BCAS1: variants seen among roughly 807,000 people sequenced by gnomAD.
The protein encoded by BCAS1 is brain enriched myelin associated protein 1.
BCAS1 carries 46 observed loss-of-function variants against 65.4 expected under a neutral mutation model. The observed-to-expected ratio is 0.70, with a 90% confidence interval of 0.55 to 0.90. BCAS1 has a LOEUF of 0.90. BCAS1 is among the 40% of genes least tolerant of loss of function. The pLI is 0.00. For missense variants in BCAS1, 793 were observed against 771.2 expected, an observed-to-expected ratio of 1.03 and a Z score of -0.33; for synonymous variants, 298 against 293.5, an observed-to-expected ratio of 1.02 and a Z score of -0.16.
chr20:54,051,730 TTG>T (rs796646228), intron 3 of BCAS1, among the ~76,000 whole-genome samples: 2 of 81,712 alleles, frequency 2.4e-5, no homozygotes, highest in African/African-American at 6.0e-5. Context: ...TTTTTGTTTG[TTG>T]TTGTTGTTGT....
At chr20:54,004,768 T>C (rs2091144828) in intron 4 of BCAS1, among the ~76,000 whole-genome samples, 1 of 152,134 alleles carries the variant, frequency 6.6e-6, no homozygotes, top group African/African-American at 2.4e-5. Flanking sequence ...TCTCCCCAAA[T>C]CCTAACCCTC....
intron 8 of BCAS1, among the ~76,000 whole-genome samples, chr20:53,975,977 C>G (rs1325514023): frequency 6.6e-6 from 1 of 152,186 alleles, no homozygotes; most frequent in Non-Finnish European, 1.5e-5. Flanking sequence ...TTCGTCAGCC[C>G]TCAGTCTAGG....
At chr20:53,994,288 G>T (rs186654577) in intron 6 of BCAS1, among the ~76,000 whole-genome samples, 1 of 152,208 alleles carries the variant, frequency 6.6e-6, no homozygotes, top group East Asian at 1.9e-4. Context: ...CTTAAACCGT[G>T]TATTCCACTA....
At chr20:54,067,488 G>A (rs551743945) in intron 1 of BCAS1, among the ~76,000 whole-genome samples, 1 of 152,236 alleles carries the variant, frequency 6.6e-6, no homozygotes, top group Non-Finnish European at 1.5e-5. Flanking sequence ...GTAAACGTTA[G>A]TTATTGCTAA....
chr20:54,009,743 C>A (rs1179163438), intron 4 of BCAS1, among the ~76,000 whole-genome samples: 1 of 152,024 alleles, frequency 6.6e-6, no homozygotes, highest in Non-Finnish European at 1.5e-5. Context: ...AAACTTGGTA[C>A]CAGAAACAGA....
At chr20:53,949,436 T>C (rs1037874769) in intron 12 of BCAS1, among the ~76,000 whole-genome samples, 3 of 152,206 alleles carry the variant, frequency 2.0e-5, no homozygotes, top group Middle Eastern at 3.2e-3. Context: ...AGGACGTCAC[T>C]GTGAGACAAA....
chr20:54,065,164 C>CTATCTATCTATCT (rs56202418), intron 1 of BCAS1, among the ~76,000 whole-genome samples: 20 of 121,016 alleles, frequency 1.7e-4, no homozygotes, highest in East Asian at 8.0e-4. Flanking sequence ...ATCTATCTAT[C>CTATCTATCTATCT]ATCTACTTTA....
chr20:53,996,992 C>G (rs1568858787), intron 4 of BCAS1, among the ~76,000 whole-genome samples: 1 of 152,208 alleles, frequency 6.6e-6, no homozygotes. Flanking sequence ...ACATTCTGCT[C>G]CTCTGTCTGC....
At chr20:53,980,830 A>G (rs1233901692) in intron 8 of BCAS1, among the ~76,000 whole-genome samples, 1 of 152,216 alleles carries the variant, frequency 6.6e-6, no homozygotes, top group African/African-American at 2.4e-5. Flanking sequence ...TATGTTCTCT[A>G]TATAACAGGA....
At chr20:54,066,422 A>G (rs979305480) in intron 1 of BCAS1, among the ~76,000 whole-genome samples, 1 of 152,216 alleles carries the variant, frequency 6.6e-6, no homozygotes, top group African/African-American at 2.4e-5. Flanking sequence ...ACCTGAGCCC[A>G]GGGAACTTAA....
At position 54,025,923 on chromosome 20, in the gene BCAS1, G is replaced by C. The variant is rs142723580; in HGVS notation, c.723+2469C>G. ...TTGACAATCAGAAGGCTGTTTTGTTGTTGTTGTTAAAAACCTTTGCAGGCA... is the reference window on the plus strand; with the variant it reads ...TTGACAATCAGAAGGCTGTTTTGTTCTTGTTGTTAAAAACCTTTGCAGGCA... On this transcript the variant is annotated intron_variant, in intron 4 of 12. Coordinates refer to ENST00000688948, the MANE Select transcript of BCAS1 (RefSeq NM_001366298.2). Among the ~76,000 whole-genome samples the C allele has an allele frequency of 3.9e-5, 6 of 152,298 alleles. No homozygotes were observed. In the East Asian group the frequency reaches 1.2e-3, roughly 29 times the overall value.
At chr20:53,975,273 A>G in intron 9 of BCAS1, 116 bp downstream of exon 9, 1 of 849,266 alleles carries the variant, frequency 1.2e-6, no homozygotes, top group South Asian at 1.5e-5. Flanking sequence ...GTCTACAACA[A>G]ACGAATCACA....
intron 4 of BCAS1, among the ~76,000 whole-genome samples, chr20:54,022,482 T>A (rs2091583228): frequency 6.6e-6 from 1 of 152,208 alleles, no homozygotes. Flanking sequence ...GCCTATATTA[T>A]CTTCTAACTT....
intron 11 of BCAS1, among the ~76,000 whole-genome samples, chr20:53,956,785 G>A (rs190737012): frequency 6.6e-6 from 1 of 152,116 alleles, no homozygotes; most frequent in African/African-American, 2.4e-5. Flanking sequence ...CATTTTTTGT[G>A]GAGGTGTATT....
intron 4 of BCAS1, among the ~76,000 whole-genome samples, chr20:54,010,370 C>G (rs1427394809): frequency 1.3e-5 from 2 of 151,940 alleles, no homozygotes; most frequent in Admixed American, 6.5e-5. Flanking sequence ...AGAATAACAC[C>G]TAGAATTAAT....
chr20:53,954,731 CA>C (rs1409829575), intron 11 of BCAS1, among the ~76,000 whole-genome samples: 2 of 151,960 alleles, frequency 1.3e-5, no homozygotes, highest in Non-Finnish European at 2.9e-5. Context: ...AACAAAGGTC[CA>C]AAAAAATATT....
At chr20:54,049,586 T>C (rs920516957) in intron 3 of BCAS1, among the ~76,000 whole-genome samples, 2 of 151,524 alleles carry the variant, frequency 1.3e-5, no homozygotes, top group Non-Finnish European at 2.9e-5. Context: ...TTTTTTTTTT[T>C]AAATAGAGAT....
chr20:54,016,451 T>C (rs1245261120), intron 4 of BCAS1, among the ~76,000 whole-genome samples: 1 of 152,228 alleles, frequency 6.6e-6, no homozygotes, highest in Admixed American at 6.5e-5. Flanking sequence ...ATTTGTCTTC[T>C]CTTCATGCTA....
chr20:54,064,428 C>T (rs1314017804), intron 1 of BCAS1, among the ~76,000 whole-genome samples: 1 of 152,226 alleles, frequency 6.6e-6, no homozygotes, highest in Non-Finnish European at 1.5e-5. Context: ...CCACCATCAC[C>T]CAGGCACCTG....
Sources: gnomAD v4.1 joint callset for allele counts (sites outside exome capture counted in the v4.1 genomes callset) on GRCh38, gnomAD v4.1.1 for gene constraint, MANE v1.5 for transcripts, NCBI Gene and HGNC (gene_info 2026-07-23, HGNC 2026-07-21) for gene names.